Variants in KDM4C observed in about 807,000 individuals in gnomAD.
KDM4C encodes lysine-specific demethylase 4C.
In KDM4C, 81 loss-of-function variants were observed where a neutral mutation model predicts 129.3. The ratio of observed to expected loss-of-function variants is 0.63; its 90% confidence interval spans 0.52 to 0.75. The LOEUF is 0.75. Among genes scored for constraint, KDM4C ranks in the 30% least tolerant of loss-of-function variants. KDM4C has a pLI of 0.00. For missense variants in KDM4C, 1,457 were observed against 1,304.0 expected, an observed-to-expected ratio of 1.12 and a Z score of -1.81; for synonymous variants, 573 against 456.1, an observed-to-expected ratio of 1.26 and a Z score of -3.26.
At chr9:6,802,869 AG>A (rs1411617628) in intron 2 of KDM4C, among the ~76,000 whole-genome samples, 2 of 152,254 alleles carry the variant, frequency 1.3e-5, no homozygotes, top group Non-Finnish European at 2.9e-5. Context: ...GGCCTCCCAA[AG>A]TGCTGGGATT....
Position 7,075,309 on chromosome 9 carries a change from A to G in KDM4C, c.2424+26109A>G, listed in dbSNP as rs182103085. 2.2e-3 allele frequency among the ~76,000 whole-genome samples: 330 copies of G among 152,206 alleles called. 1 individual carries two copies. Among genetic ancestry groups the G allele is most frequent in the Non-Finnish European group, 3.9e-3 (265 of 68,018 alleles). The stretch of plus-strand genomic sequence containing the variant: ...GTTCAACTGTCCTGTTTCATCTTCT[A>G]TGGTTTCATCACATGTGTTTTGTCT... On this transcript the variant is annotated intron_variant, in intron 17 of 21. Coordinates refer to ENST00000381309, the MANE Select transcript of KDM4C (RefSeq NM_015061.6).
chr9:6,860,915 A>G (rs1017496200), intron 5 of KDM4C, among the ~76,000 whole-genome samples: 1 of 152,152 alleles, frequency 6.6e-6, no homozygotes, highest in Non-Finnish European at 1.5e-5. Context: ...CTTTTTTGTA[A>G]AAGTGTCAAA....
chr9:7,126,209 G>T (rs1384503193), intron 18 of KDM4C, among the ~76,000 whole-genome samples: 1 of 152,128 alleles, frequency 6.6e-6, no homozygotes, highest in Admixed American at 6.5e-5. Context: ...AAGGAGAAGA[G>T]GGGGAGGGAG....
Position 7,011,694 on chromosome 9 carries a change from T to G in KDM4C, c.1787-4T>G, listed in dbSNP as rs756397562. 3.7e-5 allele frequency: 59 copies of G among 1,613,822 alleles called. No individual in the cohort carries two copies. Among genetic ancestry groups the G allele is most frequent in the Non-Finnish European group, 4.5e-5 (53 of 1,179,852 alleles). Reference sequence around the variant, plus strand: ...CATGGTATTTTCCTGCCTTCTCCCTTAAGAATTGCCTGAGGTTCTGTCCAT... The same window carrying G: ...CATGGTATTTTCCTGCCTTCTCCCTGAAGAATTGCCTGAGGTTCTGTCCAT... On this transcript the variant is annotated splice_region_variant and splice_polypyrimidine_tract_variant and intron_variant, in intron 12 of 21. Coordinates refer to ENST00000381309, the MANE Select transcript of KDM4C (RefSeq NM_015061.6).
chr9:6,874,749 G>C (rs77816593), intron 5 of KDM4C, among the ~76,000 whole-genome samples: 3,383 of 152,104 alleles, frequency 0.022, 105 homozygotes, highest in East Asian at 0.16. Flanking sequence ...GACCCAGGAG[G>C]AATGAAGAGA....
At chr9:7,116,069 A>C (rs1458421172) in intron 18 of KDM4C, among the ~76,000 whole-genome samples, 1 of 152,176 alleles carries the variant, frequency 6.6e-6, no homozygotes, top group Non-Finnish European at 1.5e-5. Flanking sequence ...TTTCTTCTGA[A>C]ATGATGTTCT....
rs143615332 is a variant in KDM4C, at chr9:6,792,867, C to G, written c.-17-105C>G. 302 of 1,141,444 alleles carry G rather than the reference C, an allele frequency of 2.6e-4. 2 individuals carry two copies. In the East Asian group the frequency reaches 7.0e-3, roughly 27 times the overall value. The allele number at this position is 1,141,444 out of a possible 1,614,324, so 70.7% of individuals were successfully genotyped here. A position where few individuals can be genotyped will look rare whatever the true frequency, so the allele number is the denominator to read the frequency against. ...ACTGGTAGAAGGGAATGGGAAGTGA[C>G]TGAAAGAGAAGGGTTCCTGCTGGGG... On this transcript the variant is annotated intron_variant, in intron 1 of 21. Transcript: ENST00000381309.
chr9:7,141,364 G>GAACAAC (rs570936633), intron 19 of KDM4C, among the ~76,000 whole-genome samples: 2 of 151,928 alleles, frequency 1.3e-5, no homozygotes, highest in African/African-American at 4.8e-5. Flanking sequence ...AAACAAAACA[G>GAACAAC]AACAACAACA....
intron 15 of KDM4C, among the ~76,000 whole-genome samples, chr9:7,021,289 C>T (rs1824808886): frequency 6.6e-6 from 1 of 151,752 alleles, no homozygotes; most frequent in Admixed American, 6.6e-5. Flanking sequence ...GGATTACAGG[C>T]GCATGCCACC....
chr9:6,857,946 T>TTTTG (rs555121528), intron 5 of KDM4C, among the ~76,000 whole-genome samples: 2 of 140,172 alleles, frequency 1.4e-5, no homozygotes, highest in South Asian at 2.2e-4. Flanking sequence ...TTTTTTTTTT[T>TTTTG]AGAGATGGGG....
At chr9:6,801,083 G>A (rs1828859739) in intron 2 of KDM4C, among the ~76,000 whole-genome samples, 2 of 151,902 alleles carry the variant, frequency 1.3e-5, no homozygotes. Context: ...TATAGCACTG[G>A]CCAAGTTACT....
intron 5 of KDM4C, among the ~76,000 whole-genome samples, chr9:6,851,307 A>C (rs979934997): frequency 1.3e-5 from 2 of 152,092 alleles, no homozygotes; most frequent in Non-Finnish European, 2.9e-5. Context: ...GCCTGGTTTG[A>C]GCACATGCTT....
intron 18 of KDM4C, among the ~76,000 whole-genome samples, chr9:7,110,720 T>C (rs933687668): frequency 6.6e-6 from 1 of 152,208 alleles, no homozygotes; most frequent in Non-Finnish European, 1.5e-5. Flanking sequence ...TGAAAATATT[T>C]TAAACCTATT....
chr9:6,881,429 A>G (rs1844438330), intron 6 of KDM4C, among the ~76,000 whole-genome samples: 1 of 152,200 alleles, frequency 6.6e-6, no homozygotes, highest in Non-Finnish European at 1.5e-5. Flanking sequence ...AGCTTATAAG[A>G]TGATTACTGT....
rs768679051 is a variant in KDM4C at position 6,758,187 on chromosome 9, C to T, written c.-34C>T. 6.9e-5 allele frequency: 68 copies of T among 985,892 alleles called. No individual in the cohort carries two copies. Among genetic ancestry groups the T allele is most frequent in the Non-Finnish European group, 8.1e-5 (67 of 830,444 alleles). The allele number at this position is 985,892 out of a possible 1,614,324, so 61.1% of individuals were successfully genotyped here. A position where few individuals can be genotyped will look rare whatever the true frequency, so the allele number is the denominator to read the frequency against. ...CTCCTCCACCGAGTCGTGCTCTCGC[C>T]CCAACCCGCGCGCCAGGTAACCGCT... On this transcript the variant is annotated 5_prime_UTR_variant, in exon 1 of 22. Transcript: ENST00000381309. The surrounding 1 kb of genome is among the most constrained non-coding windows in gnomAD (Gnocchi z 4.6).
chr9:6,904,812 A>G (rs1368883935), intron 8 of KDM4C, among the ~76,000 whole-genome samples: 2 of 152,206 alleles, frequency 1.3e-5, no homozygotes, highest in African/African-American at 4.8e-5. Context: ...GTGAATTTGG[A>G]AGATACGAGA....
At chr9:6,741,256 G>A (rs1014331992) in intron 1 of KDM4C, among the ~76,000 whole-genome samples, 1 of 151,844 alleles carries the variant, frequency 6.6e-6, no homozygotes, top group Non-Finnish European at 1.5e-5. Context: ...ATTAGCCAAG[G>A]TGGTGGTGCG....
At chr9:7,066,375 T>C (rs898468681) in intron 17 of KDM4C, among the ~76,000 whole-genome samples, 1 of 152,192 alleles carries the variant, frequency 6.6e-6, no homozygotes, top group South Asian at 2.1e-4. Context: ...TTTGGTAGTT[T>C]TGGAAGGCAC....
intron 18 of KDM4C, chr9:7,105,478 C>T (rs1837577890): frequency 4.2e-6 from 2 of 470,796 alleles, no homozygotes; most frequent in South Asian, 1.6e-5. Flanking sequence ...GCTGGTGCTA[C>T]AATCTTATGT....
Sources: gnomAD v4.1 joint callset for allele counts (sites outside exome capture counted in the v4.1 genomes callset) on GRCh38, gnomAD v4.1.1 for gene constraint, Gnocchi (gnomAD v3.1) non-coding constraint, MANE v1.5 for transcripts, NCBI Gene and HGNC (gene_info 2026-07-23, HGNC 2026-07-21) for gene names.